SYN3: variants seen among roughly 807,000 people sequenced by gnomAD.
The protein encoded by SYN3 is synapsin-3.
In SYN3, 35 loss-of-function variants were observed where a neutral mutation model predicts 65.8. The observed-to-expected ratio is 0.53, with a 90% CI of 0.41 to 0.70. The LOEUF is 0.70. Among genes scored for constraint, SYN3 ranks in the 30% least tolerant of loss-of-function variants. The pLI is 0.00. For missense variants in SYN3, 680 were observed against 749.0 expected, an observed-to-expected ratio of 0.91 and a Z score of 1.08; for synonymous variants, 270 against 292.9, an observed-to-expected ratio of 0.92 and a Z score of 0.80.
intron 11 of SYN3, 57 bp downstream of exon 11, chr22:32,528,817 C>A: frequency 6.2e-7 from 1 of 1,607,064 alleles, no homozygotes. Flanking sequence ...TCCCCATTTC[C>A]AGACAGCCTG....
intron 6 of SYN3, among the ~76,000 whole-genome samples, chr22:32,608,290 G>A (rs1305004006): frequency 6.6e-6 from 1 of 152,140 alleles, no homozygotes; most frequent in South Asian, 2.1e-4. Context: ...GAGTGGTCTC[G>A]AACTCCTGAC....
intron 3 of SYN3, among the ~76,000 whole-genome samples, chr22:32,938,353 C>A (rs1283119966): frequency 6.7e-6 from 1 of 150,286 alleles, no homozygotes; most frequent in African/African-American, 2.4e-5. Flanking sequence ...ACGGTGAAAC[C>A]CTGTCTCTAC....
At chr22:32,580,145 G>A (rs528221425) in intron 7 of SYN3, among the ~76,000 whole-genome samples, 2 of 152,390 alleles carry the variant, frequency 1.3e-5, no homozygotes, top group East Asian at 3.9e-4. Flanking sequence ...GGTTGGGGAG[G>A]GAGATGGCCA....
chr22:32,618,407 A>G (rs1376920585), intron 6 of SYN3, among the ~76,000 whole-genome samples: 1 of 152,190 alleles, frequency 6.6e-6, no homozygotes, highest in Non-Finnish European at 1.5e-5. Context: ...AGGTTTGTCT[A>G]TGAATGTGTC....
chr22:32,697,320 C>T (rs2060750105), intron 6 of SYN3, among the ~76,000 whole-genome samples: 3 of 152,182 alleles, frequency 2.0e-5, no homozygotes, highest in Admixed American at 1.3e-4. Flanking sequence ...TGTTTAAATC[C>T]TGCTCTGCCA....
chr22:32,874,252 T>A (rs2048926215), intron 4 of SYN3, among the ~76,000 whole-genome samples: 1 of 152,234 alleles, frequency 6.6e-6, no homozygotes, highest in African/African-American at 2.4e-5. Context: ...GGGTAAGGTC[T>A]CCTTTAATCT....
chr22:32,870,644 A>G (rs2048825011), intron 4 of SYN3, among the ~76,000 whole-genome samples: 3 of 152,186 alleles, frequency 2.0e-5, no homozygotes, highest in Non-Finnish European at 2.9e-5. Context: ...TGTTTATGAG[A>G]ATGTCCATCT....
At chr22:32,924,722 A>C (rs541238122) in intron 4 of SYN3, among the ~76,000 whole-genome samples, 64 of 152,378 alleles carry the variant, frequency 4.2e-4, no homozygotes, top group South Asian at 8.3e-4. Context: ...TGCTGTAGCA[A>C]GGGACCACAA....
intron 4 of SYN3, among the ~76,000 whole-genome samples, chr22:32,882,959 G>A (rs879602268): frequency 3.3e-5 from 5 of 151,798 alleles, no homozygotes; most frequent in Non-Finnish European, 5.9e-5. Flanking sequence ...TCTCCACCAG[G>A]CCCTGACTGT....
At chr22:32,689,938 A>G (rs1454941479) in intron 6 of SYN3, among the ~76,000 whole-genome samples, 1 of 152,030 alleles carries the variant, frequency 6.6e-6, no homozygotes, top group Non-Finnish European at 1.5e-5. Context: ...CATTTTGGGA[A>G]GCCGAGGCAG....
At chr22:33,032,008 G>C (rs751634414) in intron 1 of SYN3, among the ~76,000 whole-genome samples, 1 of 152,018 alleles carries the variant, frequency 6.6e-6, no homozygotes, top group Non-Finnish European at 1.5e-5. Flanking sequence ...TCAGGAGTTC[G>C]AGACCAGCCT....
chr22:32,820,927 A>G (rs772502268), intron 6 of SYN3, among the ~76,000 whole-genome samples: 1 of 152,184 alleles, frequency 6.6e-6, no homozygotes, highest in South Asian at 2.1e-4. Context: ...TATGGATGAT[A>G]AAGGGTAGGG....
At chr22:32,766,155 G>A (rs2045619804) in intron 6 of SYN3, among the ~76,000 whole-genome samples, 1 of 152,070 alleles carries the variant, frequency 6.6e-6, no homozygotes, top group Non-Finnish European at 1.5e-5. Flanking sequence ...AAAGACTGGG[G>A]CGTGGGTGAG....
At chr22:32,640,740 G>GA (rs1468357920) in intron 6 of SYN3, among the ~76,000 whole-genome samples, 1 of 152,082 alleles carries the variant, frequency 6.6e-6, no homozygotes, top group African/African-American at 2.4e-5. Flanking sequence ...GGTGGCGGGC[G>GA]CCTGTAGTCC....
intron 1 of SYN3, among the ~76,000 whole-genome samples, chr22:33,035,818 G>A (rs554127435): frequency 5.9e-5 from 9 of 152,288 alleles, no homozygotes; most frequent in African/African-American, 1.9e-4. Flanking sequence ...CTGGCCTCAA[G>A]TGATCCTCCT....
chr22:32,790,932 G>A (rs546545866), intron 6 of SYN3, among the ~76,000 whole-genome samples: 1 of 152,190 alleles, frequency 6.6e-6, no homozygotes, highest in East Asian at 1.9e-4. Flanking sequence ...TGTGACTACC[G>A]GAGAAAAGAA....
chr22:32,544,208 G>A (rs989565815), intron 7 of SYN3, among the ~76,000 whole-genome samples: 2 of 152,210 alleles, frequency 1.3e-5, no homozygotes, highest in African/African-American at 4.8e-5. Context: ...AAAGTGCTGG[G>A]ATTACACACT....
intron 6 of SYN3, among the ~76,000 whole-genome samples, chr22:32,761,881 C>T (rs2045490365): frequency 1.3e-5 from 2 of 152,162 alleles, no homozygotes; most frequent in African/African-American, 4.8e-5. Flanking sequence ...AAAATAACTG[C>T]ACCCGGAGAT....
At position 32,797,279 on chromosome 22, in the gene SYN3, C is replaced by T. The variant is rs1460216787; in HGVS notation, c.711+67636G>A. Reference sequence around the variant, plus strand: ...GTGCTGATCATTGGACCCATTCAACCAATACTTATTAAACTCGTTGTTACC... The same window carrying T: ...GTGCTGATCATTGGACCCATTCAACTAATACTTATTAAACTCGTTGTTACC... On this transcript the variant is annotated intron_variant, in intron 6 of 13. Transcript: ENST00000358763. Among the ~76,000 whole-genome samples the T allele has an allele frequency of 2.0e-5, 3 of 152,310 alleles. No individual in the cohort carries two copies. The East Asian group carries it at 5.8e-4, about 29-fold the overall frequency.
Sources: allele counts gnomAD v4.1 joint callset (sites outside exome capture counted in the v4.1 genomes callset), GRCh38; gene constraint gnomAD v4.1.1; transcripts MANE v1.5; gene names NCBI Gene and HGNC (gene_info 2026-07-23, HGNC 2026-07-21).